Variants in KIF24 observed in about 807,000 individuals in gnomAD.
KIF24 encodes the protein kinesin-like protein KIF24.
In KIF24, 81 loss-of-function variants were observed where a neutral mutation model predicts 118.9. That is an observed-to-expected ratio of 0.68 (90% confidence interval 0.57 to 0.82). The LOEUF is 0.82. KIF24 is among the 40% of genes least tolerant of loss of function. The pLI is 0.00. For synonymous variants in KIF24, 599 were observed against 610.0 expected (o/e 0.98, Z 0.27); for missense variants, 1,560 against 1,661.6 (o/e 0.94, Z 1.06).
At chr9:34,292,922 A>G (rs1470434100) in intron 4 of KIF24, among the ~76,000 whole-genome samples, 1 of 152,210 alleles carries the variant, frequency 6.6e-6, no homozygotes, top group Admixed American at 6.5e-5. Context: ...ACAGGAGTGA[A>G]AAACCCTATT....
chr9:34,311,062 G>A lies in KIF24; in HGVS notation c.285C>T (p.Arg95=). ...CAGGAGAATCAAAATTCAGCTGTCT[G>A]CGAGGGCCAGATCTTAATTCCTGAG... ...IKSQELRSGP[R]RQLNFDSPAD... Residue 95 remains arginine, a synonymous_variant, in exon 2 of 13, where the codon CGC becomes CGT. Transcript: ENST00000402558. The A allele has an allele frequency of 1.9e-6, 3 of 1,613,934 alleles. No homozygotes were observed. Among genetic ancestry groups the A allele is most frequent in the Admixed American group, 3.3e-5 (2 of 60,008 alleles).
In KIF24 at chr9:34,261,952, AAG is replaced by A. The variant is rs1210012826; in HGVS notation, c.1515+1147_1515+1148del. On this transcript the variant is annotated intron_variant, in intron 9 of 12. Transcript: ENST00000402558. ...AATTCAACATTTTCTTTTCTTTTTT[AAG>A]ATGAGGTCTCTTTTTGTCGCCCAGG... Among the ~76,000 whole-genome samples the A allele has an allele frequency of 8.2e-4, 125 of 152,124 alleles. 1 individual carries two copies. Among genetic ancestry groups the A allele is most frequent in the Non-Finnish European group, 4.0e-4 (27 of 68,008 alleles).
intron 6 of KIF24, among the ~76,000 whole-genome samples, chr9:34,275,965 A>T (rs1228916538): frequency 6.6e-6 from 1 of 152,242 alleles, no homozygotes; most frequent in East Asian, 1.9e-4. Flanking sequence ...GTTGAGGAAC[A>T]AACTCAGGTT....
intron 7 of KIF24, among the ~76,000 whole-genome samples, chr9:34,270,610 T>C (rs1396550959): frequency 9.5e-6 from 1 of 104,864 alleles, no homozygotes; most frequent in Admixed American, 9.3e-5. Context: ...TACCTAGCTA[T>C]GTTTTTTTTT....
intron 6 of KIF24, among the ~76,000 whole-genome samples, chr9:34,279,056 A>G (rs551274679): frequency 1.3e-5 from 2 of 152,280 alleles, no homozygotes; most frequent in African/African-American, 2.4e-5. Context: ...GTGACCCGTG[A>G]TTGCACCACT....
intron 3 of KIF24, 109 bp from the exon 4 acceptor site, chr9:34,297,223 C>T (rs1836518454): frequency 1.3e-5 from 8 of 613,576 alleles, no homozygotes; most frequent in South Asian, 1.3e-4. Flanking sequence ...GTAACAGTAA[C>T]TGACCATATC....
intron 1 of KIF24, among the ~76,000 whole-genome samples, chr9:34,317,765 T>C (rs1276251916): frequency 1.3e-5 from 2 of 152,170 alleles, no homozygotes; most frequent in Non-Finnish European, 2.9e-5. Flanking sequence ...TTTACTTAAA[T>C]AACGGCCCCA....
At chr9:34,279,362 A>C (rs1835764520) in intron 6 of KIF24, among the ~76,000 whole-genome samples, 1 of 152,222 alleles carries the variant, frequency 6.6e-6, no homozygotes, top group African/African-American at 2.4e-5. Flanking sequence ...TAAAACATGA[A>C]ACAAGTTTAT....
intron 1 of KIF24, among the ~76,000 whole-genome samples, chr9:34,319,842 G>T (rs1243689030): frequency 6.6e-6 from 1 of 152,158 alleles, no homozygotes; most frequent in Non-Finnish European, 1.5e-5. Flanking sequence ...CTTGGACGTG[G>T]GCCCCAGATA....
intron 1 of KIF24, among the ~76,000 whole-genome samples, chr9:34,325,815 G>A (rs771052036): frequency 6.6e-6 from 1 of 152,166 alleles, no homozygotes; most frequent in Non-Finnish European, 1.5e-5. Context: ...TTGTGGTAAC[G>A]GGTGGTAGAA....
At chr9:34,271,992 G>C in intron 6 of KIF24, 62 bp from the exon 7 acceptor site, 1 of 1,498,360 alleles carries the variant, frequency 6.7e-7, no homozygotes, top group East Asian at 2.5e-5. Flanking sequence ...TGGCTACTAA[G>C]AGTTGGCTAA....
intron 3 of KIF24, among the ~76,000 whole-genome samples, chr9:34,305,728 T>C (rs1836888172): frequency 6.6e-6 from 1 of 152,082 alleles, no homozygotes; most frequent in Non-Finnish European, 1.5e-5. Context: ...CTCAGCCTCC[T>C]GAGTAGTTAA....
At position 34,257,181 on chromosome 9, in the gene KIF24, T is replaced by A. The variant is rs1443720115; in HGVS notation, c.2426A>T (p.His809Leu). The change falls in exon 11 of 13, where the codon CAC becomes CTC. Residue 809 changes from histidine to leucine, a missense_variant. Transcript: ENST00000402558. Reference sequence around the variant, plus strand: ...TCCATCATGGTTTTCAGAGTAAGAGTGGAACAGAGGCGGAGTCTCATTCGT... The same window carrying A: ...TCCATCATGGTTTTCAGAGTAAGAGAGGAACAGAGGCGGAGTCTCATTCGT... The part of the protein sequence containing the change: ...QLTNETPPLF[H>L]SYSENHDGAQ... The A allele has an allele frequency of 6.2e-7, 1 of 1,613,872 alleles. No individual in the cohort carries two copies. The highest frequency in any genetic ancestry group is 1.7e-5 in the Admixed American group (1 of 60,000).
chr9:34,325,421 G>C (rs572429944), intron 1 of KIF24, among the ~76,000 whole-genome samples: 134 of 148,704 alleles, frequency 9.0e-4, no homozygotes, highest in African/African-American at 3.1e-3. Context: ...GGCCAGGCAC[G>C]GTGGCTCATG....
chr9:34,263,088 C>G lies in KIF24; in HGVS notation c.1515+13G>C. The G allele has an allele frequency of 6.2e-7, 1 of 1,600,374 alleles. No individual in the cohort carries two copies. Among genetic ancestry groups the G allele is most frequent in the Non-Finnish European group, 8.6e-7 (1 of 1,168,372 alleles). On this transcript the variant is annotated intron_variant, in intron 9 of 12. Coordinates refer to ENST00000402558, the MANE Select transcript of KIF24 (RefSeq NM_194313.4). ...TGAATCAGAACAAACTCAAGGCTCA[C>G]ATTTAACTTTACCTGAGTTAGTTTG...
chr9:34,283,940 A>G (rs1835946223), intron 6 of KIF24, among the ~76,000 whole-genome samples: 1 of 152,200 alleles, frequency 6.6e-6, no homozygotes, highest in South Asian at 2.1e-4. Flanking sequence ...TACTGCTTGT[A>G]GGAATGCACA....
intron 8 of KIF24, among the ~76,000 whole-genome samples, chr9:34,265,442 T>C (rs781318915): frequency 2.6e-5 from 4 of 152,196 alleles, no homozygotes; most frequent in Non-Finnish European, 5.9e-5. Context: ...AATGCTGGGA[T>C]TACAGGTGTG....
chr9:34,271,691 T>C (rs1835513931), intron 7 of KIF24, 118 bp downstream of exon 7: 1 of 1,041,232 alleles, frequency 9.6e-7, no homozygotes, highest in African/African-American at 1.6e-5. Context: ...AACTCTACTC[T>C]GTATCCCTGC....
At chr9:34,262,659 AAAAAAAAAAAAAAAAAATATATATATAT>A (rs1835104477) in intron 9 of KIF24, among the ~76,000 whole-genome samples, 1 of 37,874 alleles carries the variant, frequency 2.6e-5, no homozygotes, top group Non-Finnish European at 5.2e-5. Context: ...AAAAAAAAAA[AAAAAAAAAAAAAAAAAATATATATATAT>A]ATATATATAT....
Sources: allele counts gnomAD v4.1 joint callset (sites outside exome capture counted in the v4.1 genomes callset), GRCh38; gene constraint gnomAD v4.1.1; transcripts MANE v1.5; gene names NCBI Gene and HGNC (gene_info 2026-07-23, HGNC 2026-07-21).